Variants in NELL1 observed in about 807,000 individuals in gnomAD.
NELL1 encodes protein kinase C-binding protein NELL1.
NELL1 carries 76 observed loss-of-function variants against 107.4 expected under a neutral mutation model. The ratio of observed to expected loss-of-function variants is 0.71; its 90% CI spans 0.59 to 0.86. The LOEUF (loss-of-function observed/expected upper bound fraction) is 0.86, where lower values mean the gene tolerates loss of function less well. Among genes scored for constraint, NELL1 ranks in the 40% least tolerant of loss-of-function variants. The pLI, the probability that NELL1 is intolerant of heterozygous loss-of-function variation, is 0.00. For synonymous variants in NELL1, 353 were observed against 341.2 expected, an observed-to-expected ratio of 1.03 and a Z score of -0.38; for missense variants, 1,024 against 1,005.5, an observed-to-expected ratio of 1.02 and a Z score of -0.25.
At chr11:21,217,612 A>G (rs1049087647) in intron 13 of NELL1, among the ~76,000 whole-genome samples, 7 of 152,142 alleles carry the variant, frequency 4.6e-5, no homozygotes, top group African/African-American at 1.4e-4. Context: ...ATTGATATTT[A>G]TGTGCTTATA....
At chr11:21,314,204 C>A (rs1849821759) in intron 14 of NELL1, among the ~76,000 whole-genome samples, 1 of 152,004 alleles carries the variant, frequency 6.6e-6, no homozygotes, top group Admixed American at 6.6e-5. Context: ...TACAGCAATG[C>A]AAGAATGACC....
At chr11:20,861,733 C>A (rs1184372648) in intron 4 of NELL1, among the ~76,000 whole-genome samples, 1 of 152,196 alleles carries the variant, frequency 6.6e-6, no homozygotes, top group Non-Finnish European at 1.5e-5. Flanking sequence ...GGTTAGACAT[C>A]AGGTGAGCAC....
At chr11:21,309,310 A>AT (rs1565160654) in intron 14 of NELL1, among the ~76,000 whole-genome samples, 3 of 135,892 alleles carry the variant, frequency 2.2e-5, no homozygotes, top group Non-Finnish European at 4.6e-5. Context: ...GTATATATAT[A>AT]TAATATATAT....
intron 14 of NELL1, among the ~76,000 whole-genome samples, chr11:21,316,288 CT>C: frequency 6.6e-6 from 1 of 152,048 alleles, no homozygotes; most frequent in East Asian, 1.9e-4. Context: ...ACCGTCAAAG[CT>C]TTTTTAAAAC....
chr11:21,115,392 G>A (rs1364808262), intron 13 of NELL1, among the ~76,000 whole-genome samples: 4 of 150,318 alleles, frequency 2.7e-5, no homozygotes, highest in Non-Finnish European at 5.9e-5. Context: ...TTGTTTTGTT[G>A]TGTGTGTGCC....
chr11:21,241,190 C>T (rs781490587), intron 14 of NELL1, among the ~76,000 whole-genome samples: 4 of 152,030 alleles, frequency 2.6e-5, no homozygotes, highest in Non-Finnish European at 5.9e-5. Flanking sequence ...CTTTAGGAAA[C>T]ATTACTGAAA....
chr11:21,146,258 TA>T (rs200751534), intron 13 of NELL1, among the ~76,000 whole-genome samples: 7,348 of 144,006 alleles, frequency 0.051, 378 homozygotes, highest in South Asian at 0.13. Context: ...CCTGAATAGT[TA>T]AAAAAAAAAA....
At chr11:21,061,581 A>T in intron 12 of NELL1, among the ~76,000 whole-genome samples, 1 of 152,322 alleles carries the variant, frequency 6.6e-6, no homozygotes, top group East Asian at 1.9e-4. Flanking sequence ...GGGATTTGCT[A>T]TAAGGATTAG....
At chr11:21,021,585 G>T (rs1033441025) in intron 12 of NELL1, among the ~76,000 whole-genome samples, 1 of 152,010 alleles carries the variant, frequency 6.6e-6, no homozygotes, top group Non-Finnish European at 1.5e-5. Flanking sequence ...TGTGTAAATT[G>T]CACATGAACT....
At chr11:21,105,386 C>A (rs1395852094) in intron 12 of NELL1, among the ~76,000 whole-genome samples, 1 of 152,130 alleles carries the variant, frequency 6.6e-6, no homozygotes, top group Non-Finnish European at 1.5e-5. Flanking sequence ...CTGGTTGAAC[C>A]AGATGTGGTG....
intron 15 of NELL1, among the ~76,000 whole-genome samples, chr11:21,396,692 T>G (rs1851989388): frequency 6.6e-6 from 1 of 151,628 alleles, no homozygotes; most frequent in African/African-American, 2.4e-5. Flanking sequence ...TTGGTAGGGT[T>G]TTAGAAAAAG....
intron 12 of NELL1, among the ~76,000 whole-genome samples, chr11:21,095,016 T>C (rs1854607567): frequency 6.6e-6 from 1 of 152,202 alleles, no homozygotes; most frequent in Admixed American, 6.5e-5. Context: ...TTCTGAACTT[T>C]TATGCTCTGC....
chr11:21,403,475 C>T (rs142595000), intron 15 of NELL1, among the ~76,000 whole-genome samples: 164 of 151,672 alleles, frequency 1.1e-3, no homozygotes, highest in African/African-American at 3.5e-3. Context: ...GCTCAAACAA[C>T]GTTATGACCC....
intron 2 of NELL1, among the ~76,000 whole-genome samples, chr11:20,774,394 TTC>T (rs1856708379): frequency 6.6e-6 from 1 of 150,498 alleles, no homozygotes; most frequent in South Asian, 2.1e-4. Context: ...TTCTTTTCTT[TTC>T]CTTTCTTTCT....
At position 20,938,942 on chromosome 11, in the gene NELL1, G is replaced by C. The variant is rs4923181; in HGVS notation, c.1071+1083G>C. Among the ~76,000 whole-genome samples the C allele has an allele frequency of 8.6e-3, 324 of 37,512 alleles. 1 individual carries two copies. Among genetic ancestry groups the C allele is most frequent in the African/African-American group, 0.02 (286 of 14,192 alleles). 24.6% of individuals were successfully genotyped at this position (37,512 alleles called of 152,430 possible). ...TCTCTCTCTCTCTCTCTCTCTCTCT[G>C]TGTGTGTGTGTGTGTGTGTGTGCAT... On this transcript the variant is annotated intron_variant, in intron 10 of 19. Transcript: ENST00000357134.
chr11:20,893,121 A>T (rs1680623209), intron 5 of NELL1, among the ~76,000 whole-genome samples: 1 of 152,168 alleles, frequency 6.6e-6, no homozygotes, highest in African/African-American at 2.4e-5. Flanking sequence ...ACATGGGTGA[A>T]GCTGGAAGCC....
intron 13 of NELL1, among the ~76,000 whole-genome samples, chr11:21,198,807 C>T (rs1031222542): frequency 1.2e-4 from 18 of 152,160 alleles, no homozygotes; most frequent in African/African-American, 3.9e-4. Context: ...AACTCCTATA[C>T]AATCCTTTCA....
intron 14 of NELL1, among the ~76,000 whole-genome samples, chr11:21,336,647 G>GTATATA (rs1350044303): frequency 3.3e-4 from 23 of 70,674 alleles, no homozygotes; most frequent in Admixed American, 6.6e-4. Flanking sequence ...CTTCATATGT[G>GTATATA]TGTGTATATA....
intron 12 of NELL1, among the ~76,000 whole-genome samples, chr11:21,056,071 C>G (rs903042204): frequency 1.3e-5 from 2 of 152,094 alleles, no homozygotes; most frequent in African/African-American, 4.8e-5. Context: ...TCACAACATG[C>G]TGATGAGGAT....
Sources: gnomAD v4.1 joint callset for allele counts (sites outside exome capture counted in the v4.1 genomes callset) on GRCh38, gnomAD v4.1.1 for gene constraint, MANE v1.5 for transcripts, NCBI Gene and HGNC (gene_info 2026-07-23, HGNC 2026-07-21) for gene names.